Variants in PCDHGB7 observed in about 807,000 individuals in gnomAD.
PCDHGB7 encodes the protein protocadherin gamma subfamily B, 7, also known as protocadherin gamma-B7.
In PCDHGB7, 37 loss-of-function variants were observed where a neutral mutation model predicts 61.4. That is an observed-to-expected ratio of 0.60 (90% CI 0.46 to 0.79). The LOEUF is 0.79. Ranked by LOEUF, PCDHGB7 falls within the 30% of genes least tolerant of loss-of-function variation. The pLI, the probability that PCDHGB7 is intolerant of heterozygous loss-of-function variation, is 0.00. For synonymous variants in PCDHGB7, 464 were observed against 503.5 expected, an observed-to-expected ratio of 0.92 and a Z score of 1.05; for missense variants, 1,166 against 1,202.5, an observed-to-expected ratio of 0.97 and a Z score of 0.45.
At position 141,432,307 on chromosome 5, in the gene PCDHGB7, G is replaced by A. The variant is rs2097484688; in HGVS notation, c.2415+12033G>A. On this transcript the variant is annotated intron_variant, in intron 1 of 3. Transcript: ENST00000398594. The surrounding 1 kb of genome is among the most constrained non-coding windows in gnomAD (Gnocchi z 6.0). ...ACTCCGACACTGGGGTACTGTATGC[G>A]CTGAGCTCCTTCGACTACGAGCAGT... The A allele has an allele frequency of 5.0e-6, 8 of 1,614,240 alleles. No individual in the cohort carries two copies. Among genetic ancestry groups the A allele is most frequent in the South Asian group, 1.1e-5 (1 of 91,086 alleles).
In PCDHGB7 at chr5:141,489,365, G is replaced by A. The variant is rs774363104; in HGVS notation, c.2416-5442G>A. ...TCAGTGGTGGAGGAGTCTGAGCCGG[G>A]GACGCTGGTGGGGAATGTTGCTCAG... On this transcript the variant is annotated intron_variant, in intron 1 of 3. Transcript: ENST00000398594. The surrounding 1 kb of genome is among the most constrained non-coding windows in gnomAD (Gnocchi z 4.5). The A allele has an allele frequency of 6.2e-7, 1 of 1,613,512 alleles. No individual in the cohort carries two copies.
chr5:141,501,290 T>TACACATACACAC (rs1224133816), intron 2 of PCDHGB7, among the ~76,000 whole-genome samples: 9 of 136,158 alleles, frequency 6.6e-5, no homozygotes, highest in Admixed American at 1.6e-4. Context: ...TATTCCCTTA[T>TACACATACACAC]ACACACACAC....
chr5:141,476,225 A>G lies in PCDHGB7; in HGVS notation c.2416-18582A>G, dbSNP rs1414835001. ...GGCTTCCACGGTCATTCACTATGAG[A>G]TCCCGGAGGAAAGAGAGAAGGGTTT... On this transcript the variant is annotated intron_variant, in intron 1 of 3. Transcript: ENST00000398594. This position sits in a 1 kb window ranked among gnomAD's most constrained non-coding sequence, Gnocchi z 7.6. 3 of 1,613,882 alleles carry G rather than the reference A, an allele frequency of 1.9e-6. No homozygotes were observed. The highest frequency in any genetic ancestry group is 2.5e-6 in the Non-Finnish European group (3 of 1,180,012).
intron 1 of PCDHGB7, among the ~76,000 whole-genome samples, chr5:141,450,123 T>G (rs565568384): frequency 2.4e-4 from 36 of 150,874 alleles, no homozygotes; most frequent in Non-Finnish European, 4.7e-4. Context: ...TCTCCTGCCT[T>G]AGCCTCCTGA....
At position 141,432,724 on chromosome 5, in the gene PCDHGB7, C is replaced by T. The variant is rs752394602; in HGVS notation, c.2415+12450C>T. ...AGGACCACGGCCAGCCCCCTCTCTCCGCCACTGTCACGCTCACCGTGGCCG... is the reference window on the plus strand; with the variant it reads ...AGGACCACGGCCAGCCCCCTCTCTCTGCCACTGTCACGCTCACCGTGGCCG... On this transcript the variant is annotated intron_variant, in intron 1 of 3. Coordinates refer to ENST00000398594, the MANE Select transcript of PCDHGB7 (RefSeq NM_018927.4). The surrounding 1 kb of genome is among the most constrained non-coding windows in gnomAD (Gnocchi z 6.0). The T allele has an allele frequency of 8.1e-6, 13 of 1,614,066 alleles. No individual in the cohort carries two copies. Among genetic ancestry groups the T allele is most frequent in the Middle Eastern group, 1.6e-4 (1 of 6,062 alleles).
intron 1 of PCDHGB7, chr5:141,478,686 GA>G (rs2099472024): frequency 6.4e-7 from 1 of 1,551,134 alleles, no homozygotes; most frequent in South Asian, 1.2e-5. Context: ...GCCCTTCCTA[GA>G]TCAAAGTTAG....
At chr5:141,441,368 G>A (rs1215599443) in intron 1 of PCDHGB7, 2 of 152,598 alleles carry the variant, frequency 1.3e-5, no homozygotes, top group African/African-American at 2.4e-5. Flanking sequence ...TGGGGCCGTG[G>A]ACCAGGAACA....
intron 2 of PCDHGB7, among the ~76,000 whole-genome samples, chr5:141,504,479 G>T (rs1270717855): frequency 6.6e-6 from 1 of 152,100 alleles, no homozygotes; most frequent in African/African-American, 2.4e-5. Context: ...TGGGAGTACA[G>T]TGGAGGCACC....
intron 1 of PCDHGB7, among the ~76,000 whole-genome samples, chr5:141,472,992 A>G (rs2099309983): frequency 6.6e-6 from 1 of 151,994 alleles, no homozygotes; most frequent in South Asian, 2.1e-4. Context: ...AAAAAAAAAA[A>G]AAAAAGAAAG....
In PCDHGB7 at chr5:141,476,574, G is replaced by C. The variant is rs746783993; in HGVS notation, c.2416-18233G>C. The C allele has an allele frequency of 1.1e-5, 18 of 1,614,084 alleles. No homozygotes were observed. The Admixed American group carries it at 1.8e-4, about 16-fold the overall frequency. On this transcript the variant is annotated intron_variant, in intron 1 of 3. Coordinates refer to ENST00000398594, the MANE Select transcript of PCDHGB7 (RefSeq NM_018927.4). The surrounding 1 kb of genome is among the most constrained non-coding windows in gnomAD (Gnocchi z 7.6). ...AGCGAGGCCGTGGCTCCGGGGACGC[G>C]CTTTCCGCTCGAGAGCGCGCACGAT...
chr5:141,456,020 C>T (rs2098840631), intron 1 of PCDHGB7, among the ~76,000 whole-genome samples: 1 of 151,834 alleles, frequency 6.6e-6, no homozygotes, highest in South Asian at 2.1e-4. Flanking sequence ...GCCTCAGCCT[C>T]CCGAGTAGCT....
intron 1 of PCDHGB7, chr5:141,423,769 CATAT>C (rs2096780943): frequency 8.2e-7 from 1 of 1,219,458 alleles, no homozygotes; most frequent in South Asian, 2.2e-5. Context: ...GGTGGGGCGG[CATAT>C]ATTTAGTTCA....
At position 141,476,453 on chromosome 5, in the gene PCDHGB7, G is replaced by A. The variant is rs1432113874; in HGVS notation, c.2416-18354G>A. 3 of 1,614,138 alleles carry A rather than the reference G, an allele frequency of 1.9e-6. No individual in the cohort carries two copies. The East Asian group carries it at 6.7e-5, about 36-fold the overall frequency. ...CACTGTAACTCTGGAGTTGGTAGTG[G>A]AGAACCCGCTGGAGCTGTTCAGCGT... On this transcript the variant is annotated intron_variant, in intron 1 of 3. Transcript: ENST00000398594. The surrounding 1 kb of genome is among the most constrained non-coding windows in gnomAD (Gnocchi z 7.6).
intron 1 of PCDHGB7, chr5:141,422,395 C>T: frequency 1.9e-6 from 3 of 1,596,286 alleles, no homozygotes; most frequent in South Asian, 1.1e-5. Context: ...TATTCCTAAC[C>T]ACCTGCCTTT....
chr5:141,510,837 GTCAAGGCCCAGGGTGC>G, intron 3 of PCDHGB7, 94 bp from the exon 4 acceptor site: 1 of 1,586,392 alleles, frequency 6.3e-7, no homozygotes, highest in Non-Finnish European at 8.6e-7. Flanking sequence ...GCTCAGCGTG[GTCAAGGCCCAGGGTGC>G]TGTATAGGCA....
chr5:141,432,511 C>T lies in PCDHGB7; in HGVS notation c.2415+12237C>T. ...AGCTGGCTCCCCGCTCCGCAGAGCC[C>T]GGCTACCTGGTGACCAAGGTGGTGG... is the stretch of plus-strand genomic sequence containing the variant. On this transcript the variant is annotated intron_variant, in intron 1 of 3. Coordinates refer to ENST00000398594, the MANE Select transcript of PCDHGB7 (RefSeq NM_018927.4). This position sits in a 1 kb window ranked among gnomAD's most constrained non-coding sequence, Gnocchi z 6.0. 1 of 1,614,118 alleles carries T rather than the reference C, an allele frequency of 6.2e-7. No homozygotes were observed. The highest frequency in any genetic ancestry group is 8.5e-7 in the Non-Finnish European group (1 of 1,180,042).
At position 141,432,185 on chromosome 5, in the gene PCDHGB7, G is replaced by A. The variant is rs376661062; in HGVS notation, c.2415+11911G>A. 8.1e-6 allele frequency: 13 copies of A among 1,613,956 alleles called. No individual in the cohort carries two copies. The African/African-American group carries it at 1.3e-4, about 17-fold the overall frequency. On this transcript the variant is annotated intron_variant, in intron 1 of 3. Transcript: ENST00000398594. This position sits in a 1 kb window ranked among gnomAD's most constrained non-coding sequence, Gnocchi z 6.0. ...AGGAGTTTCCCTCGTCTCTGTGACC[G>A]CCCACGACCCCGACTGTGAAGAGAA...
At chr5:141,446,657 A>G (rs2098510367) in intron 1 of PCDHGB7, among the ~76,000 whole-genome samples, 1 of 152,092 alleles carries the variant, frequency 6.6e-6, no homozygotes, top group African/African-American at 2.4e-5. Context: ...TTGTATTTTT[A>G]GTACAAGACA....
Position 141,418,530 on chromosome 5 carries a change from G to C in PCDHGB7, c.671G>C (p.Gly224Ala). ...GATGGTGGGGACCCTCCCCGAAGCG[G>C]TACTGCTCAGATAAGAATCCTGGTA... ...ALDGGDPPRSGTAQIRILVID... is the reference protein window; with the variant it reads ...ALDGGDPPRSATAQIRILVID... Residue 224 changes from glycine to alanine, a missense_variant, in exon 1 of 4, where the codon GGT becomes GCT. By Grantham distance (60) the Gly-to-Ala change is moderately conservative (BLOSUM62 0). Transcript: ENST00000398594. The C allele has an allele frequency of 6.2e-7, 1 of 1,613,952 alleles. No homozygotes were observed. The highest frequency in any genetic ancestry group is 8.5e-7 in the Non-Finnish European group (1 of 1,179,884).
Sources: allele counts gnomAD v4.1 joint callset (sites outside exome capture counted in the v4.1 genomes callset), GRCh38; gene constraint gnomAD v4.1.1; non-coding constraint Gnocchi (gnomAD v3.1); transcripts MANE v1.5; gene names NCBI Gene and HGNC (gene_info 2026-07-23, HGNC 2026-07-21).